Variants in MAP4 observed in about 807,000 individuals in gnomAD.
The protein encoded by MAP4 is microtubule associated protein 4, also known as microtubule-associated protein 4.
MAP4 carries 76 observed loss-of-function variants against 170.2 expected under a neutral mutation model. The observed-to-expected ratio is 0.45, with a 90% CI of 0.37 to 0.54. The LOEUF is 0.54. Among genes scored for constraint, MAP4 ranks in the 20% least tolerant of loss-of-function variants. The probability of loss-of-function intolerance (pLI) is 0.00; values close to 1 mark genes in which losing one functional copy is unlikely to be tolerated. For synonymous variants in MAP4, 909 were observed against 994.5 expected (o/e 0.91, Z 1.62); for missense variants, 2,506 against 2,748.0 (o/e 0.91, Z 1.97).
chr3:48,074,676 TTGTGTGTG>T (rs555691222), intron 1 of MAP4, among the ~76,000 whole-genome samples: 161 of 90,630 alleles, frequency 1.8e-3, no homozygotes, highest in East Asian at 8.2e-3. Context: ...ATCCAGCTAA[TTGTGTGTG>T]TGTGTGTGTG....
Position 47,912,087 on chromosome 3 carries a change from C to G in MAP4, c.2334G>C (p.Lys778Asn), listed in dbSNP as rs2100036243. The change falls in exon 9 of 21, where the codon AAG (lysine) becomes AAC (asparagine). Residue 778 changes from lysine (K) to asparagine (N), a missense_variant. Lys to Asn is a moderately conservative substitution (Grantham distance 94, BLOSUM62 0). Around this residue, in one of 3 missense-constraint regions of MAP4, gnomAD observed 2,008 missense variants for 2,206.0 expected, o/e 0.91. Coordinates refer to ENST00000683076, the MANE Select transcript of MAP4 (RefSeq NM_001385682.1). The part of the protein sequence containing the change: ...MKKKKKKPKQ[K>N]RYSQPRAGGP... ...CTCCAGCCCGTGGTTGAGAATATCTCTTTTGCTTTGGTTTCTTCTTCTTTT... is the reference window on the plus strand; with the variant it reads ...CTCCAGCCCGTGGTTGAGAATATCTGTTTTGCTTTGGTTTCTTCTTCTTTT... The G allele has an allele frequency of 6.5e-7, 1 of 1,536,014 alleles. No homozygotes were observed. Among genetic ancestry groups the G allele is most frequent in the African/African-American group, 1.4e-5 (1 of 73,046 alleles).
chr3:47,898,477 G>A (rs2100028216), intron 10 of MAP4, among the ~76,000 whole-genome samples: 1 of 150,570 alleles, frequency 6.6e-6, no homozygotes, highest in African/African-American at 2.5e-5. Flanking sequence ...ACTCCAGCCT[G>A]CCAACAGGGC....
chr3:47,926,333 G>A (rs542872942), intron 4 of MAP4, among the ~76,000 whole-genome samples: 1 of 151,044 alleles, frequency 6.6e-6, no homozygotes, highest in Non-Finnish European at 1.5e-5. Flanking sequence ...ACAGGCGCCC[G>A]CCACCATGCC....
chr3:47,906,153 G>A (rs948378371), intron 9 of MAP4, among the ~76,000 whole-genome samples: 3 of 151,672 alleles, frequency 2.0e-5, no homozygotes, highest in African/African-American at 7.3e-5. Context: ...GTTGAGGGTG[G>A]GAGTAGAGAT....
At chr3:47,891,912 C>T in intron 10 of MAP4, 1 of 1,536,126 alleles carries the variant, frequency 6.5e-7, no homozygotes, top group Non-Finnish European at 8.7e-7. Flanking sequence ...CCCAGAGAGC[C>T]TTGAGCCACT....
chr3:47,933,212 G>T (rs1476150573), intron 3 of MAP4, among the ~76,000 whole-genome samples: 1 of 152,114 alleles, frequency 6.6e-6, no homozygotes, highest in East Asian at 1.9e-4. Context: ...GCAGATCAAT[G>T]GTCACCTGAA....
chr3:48,006,224 C>G (rs1024846495), intron 1 of MAP4, among the ~76,000 whole-genome samples: 1 of 132,906 alleles, frequency 7.5e-6, no homozygotes, highest in Non-Finnish European at 1.7e-5. Context: ...AAGGGGAGGC[C>G]AGGTACCCTT....
At chr3:48,034,212 A>G (rs966065415) in intron 1 of MAP4, among the ~76,000 whole-genome samples, 1 of 152,182 alleles carries the variant, frequency 6.6e-6, no homozygotes, top group East Asian at 1.9e-4. Context: ...TTTGTCTCAC[A>G]AATGCTTAGA....
chr3:47,877,767 A>G (rs1034706212), intron 10 of MAP4: 1 of 280,540 alleles, frequency 3.6e-6, no homozygotes, highest in African/African-American at 2.2e-5. Flanking sequence ...CACATGCACA[A>G]ATGATCAGTG....
intron 1 of MAP4, among the ~76,000 whole-genome samples, chr3:48,008,945 G>A (rs2100103832): frequency 6.6e-6 from 1 of 152,184 alleles, no homozygotes; most frequent in Non-Finnish European, 1.5e-5. Flanking sequence ...CTACCTGGTG[G>A]CGGATTGATT....
intron 1 of MAP4, among the ~76,000 whole-genome samples, chr3:48,059,154 T>G (rs1289084902): frequency 6.6e-6 from 1 of 152,080 alleles, no homozygotes; most frequent in African/African-American, 2.4e-5. Flanking sequence ...GTAAAAACAC[T>G]TTGTGATTGA....
chr3:48,054,531 G>C (rs1485765098), intron 1 of MAP4, among the ~76,000 whole-genome samples: 1 of 150,390 alleles, frequency 6.6e-6, no homozygotes, highest in East Asian at 2.0e-4. Context: ...TCAGGAGGCT[G>C]AGGCAGGAGA....
intron 1 of MAP4, among the ~76,000 whole-genome samples, chr3:48,056,197 C>T (rs2100131348): frequency 1.6e-5 from 2 of 124,556 alleles, no homozygotes; most frequent in Admixed American, 1.5e-4. Flanking sequence ...CCAGCCATGC[C>T]GTCCGGGAGG....
intron 2 of MAP4, among the ~76,000 whole-genome samples, chr3:47,979,354 C>T (rs2100084109): frequency 1.3e-5 from 2 of 152,106 alleles, no homozygotes; most frequent in Non-Finnish European, 2.9e-5. Context: ...GTAAAAAAAT[C>T]AACTGACCAT....
intron 3 of MAP4, among the ~76,000 whole-genome samples, chr3:47,968,966 GCAAA>G (rs2100076806): frequency 6.6e-6 from 1 of 152,096 alleles, no homozygotes; most frequent in African/African-American, 2.4e-5. Context: ...AGAACTGTAG[GCAAA>G]CAAATTATAT....
chr3:47,966,226 AC>A (rs1559629494), intron 3 of MAP4, among the ~76,000 whole-genome samples: 3 of 73,998 alleles, frequency 4.1e-5, no homozygotes, highest in African/African-American at 1.4e-4. Flanking sequence ...GGCCCACACT[AC>A]CTTTTTTTTT....
At chr3:47,954,950 GC>G (rs2100066778) in intron 3 of MAP4, among the ~76,000 whole-genome samples, 1 of 152,132 alleles carries the variant, frequency 6.6e-6, no homozygotes, top group South Asian at 2.1e-4. Context: ...CTAAATGGAA[GC>G]CCCTAGAACT....
chr3:47,891,980 A>T (rs1390694317), intron 10 of MAP4: 1 of 1,536,240 alleles, frequency 6.5e-7, no homozygotes, highest in South Asian at 1.2e-5. Context: ...TCTGGTAGGG[A>T]TGTCAGCAGC....
At chr3:48,029,005 T>C (rs1019519185) in intron 1 of MAP4, among the ~76,000 whole-genome samples, 1 of 151,018 alleles carries the variant, frequency 6.6e-6, no homozygotes, top group Non-Finnish European at 1.5e-5. Context: ...GGTTAGCTGG[T>C]TGTGGTGGCA....
Sources: gnomAD v4.1 joint callset for allele counts (sites outside exome capture counted in the v4.1 genomes callset) on GRCh38, gnomAD v4.1.1 for gene constraint, gnomAD v4.1.1 regional missense constraint, MANE v1.5 for transcripts, NCBI Gene and HGNC (gene_info 2026-07-23, HGNC 2026-07-21) for gene names.